Variants in DGKI observed in about 807,000 individuals in gnomAD.
DGKI encodes the protein diacylglycerol kinase iota, also known as DAG kinase iota.
Under a neutral mutation model 147.5 loss-of-function variants are expected in DGKI, and 55 were observed. That is an observed-to-expected ratio of 0.37 (90% CI 0.30 to 0.47). The LOEUF is 0.47. DGKI is among the 20% of genes least tolerant of loss of function. The pLI, the probability that DGKI is intolerant of heterozygous loss-of-function variation, is 1.00. For synonymous variants in DGKI, 469 were observed against 477.1 expected (o/e 0.98, Z 0.22); for missense variants, 1,007 against 1,323.8 (o/e 0.76, Z 3.71).
At chr7:137,814,283 C>T (rs534692526) in intron 1 of DGKI, among the ~76,000 whole-genome samples, 147 of 152,184 alleles carry the variant, frequency 9.7e-4, no homozygotes, top group African/African-American at 3.5e-3. Context: ...AATGGAACAC[C>T]GTCATGTGTT....
intron 28 of DGKI, among the ~76,000 whole-genome samples, chr7:137,421,810 T>C (rs1812582078): frequency 6.6e-6 from 1 of 152,224 alleles, no homozygotes; most frequent in Non-Finnish European, 1.5e-5. Flanking sequence ...CATGAAGTGC[T>C]TAATAAATAG....
At chr7:137,436,556 A>C (rs945326397) in intron 28 of DGKI, among the ~76,000 whole-genome samples, 4 of 152,180 alleles carry the variant, frequency 2.6e-5, no homozygotes, top group Non-Finnish European at 4.4e-5. Flanking sequence ...CTCATCTGTA[A>C]AATGAAAATA....
At chr7:137,664,345 TC>T in intron 3 of DGKI, among the ~76,000 whole-genome samples, 1 of 124,548 alleles carries the variant, frequency 8.0e-6, no homozygotes, top group Admixed American at 1.1e-4. Context: ...GCCACTGCAC[TC>T]CAGGCTGGGT....
intron 19 of DGKI, among the ~76,000 whole-genome samples, chr7:137,564,809 C>T (rs1038263098): frequency 8.5e-5 from 13 of 152,188 alleles, no homozygotes; most frequent in Non-Finnish European, 1.6e-4. Flanking sequence ...ATATTTAAAT[C>T]ACTTCTCTGA....
At chr7:137,477,834 GT>G (rs932633565) in intron 23 of DGKI, among the ~76,000 whole-genome samples, 3 of 151,966 alleles carry the variant, frequency 2.0e-5, no homozygotes, top group African/African-American at 4.8e-5. Flanking sequence ...TTTTGGGGTT[GT>G]TTTTTTGTAC....
At chr7:137,626,798 T>C (rs115274512) in intron 6 of DGKI, among the ~76,000 whole-genome samples, 2,725 of 152,264 alleles carry the variant, frequency 0.018, 88 homozygotes, top group African/African-American at 0.063. Context: ...TTCTAACTTG[T>C]CCCTCCACTG....
intron 13 of DGKI, 44 bp downstream of exon 13, chr7:137,587,053 T>A (rs773351266): frequency 8.7e-6 from 12 of 1,372,122 alleles, no homozygotes; most frequent in Non-Finnish European, 1.2e-5. Context: ...TGGAATCCGG[T>A]TTGTTGTTTG....
intron 28 of DGKI, among the ~76,000 whole-genome samples, chr7:137,435,033 T>C (rs1336317137): frequency 6.6e-6 from 1 of 151,644 alleles, no homozygotes; most frequent in Non-Finnish European, 1.5e-5. Flanking sequence ...AGACCAGGAG[T>C]GACCTATCTT....
At chr7:137,575,278 A>T (rs947350246) in intron 17 of DGKI, among the ~76,000 whole-genome samples, 1 of 152,142 alleles carries the variant, frequency 6.6e-6, no homozygotes, top group African/African-American at 2.4e-5. Flanking sequence ...TTAATATTAC[A>T]TATATAGGCT....
At chr7:137,731,687 G>A (rs946788033) in intron 1 of DGKI, among the ~76,000 whole-genome samples, 2 of 152,024 alleles carry the variant, frequency 1.3e-5, no homozygotes, top group South Asian at 4.1e-4. Flanking sequence ...CTTGATTTCT[G>A]GAACTAGTTG....
intron 27 of DGKI, among the ~76,000 whole-genome samples, chr7:137,461,768 G>A (rs1484216914): frequency 3.3e-5 from 5 of 152,048 alleles, no homozygotes; most frequent in Admixed American, 6.5e-5. Flanking sequence ...TTTAAAAAGT[G>A]TCTACTACTC....
intron 20 of DGKI, among the ~76,000 whole-genome samples, chr7:137,543,952 T>A (rs920915999): frequency 6.6e-6 from 1 of 152,232 alleles, no homozygotes; most frequent in Non-Finnish European, 1.5e-5. Flanking sequence ...CCTGATTTAA[T>A]GTTTATTATG....
intron 1 of DGKI, among the ~76,000 whole-genome samples, chr7:137,731,129 T>TC (rs1352164692): frequency 2.6e-5 from 4 of 152,152 alleles, no homozygotes; most frequent in African/African-American, 9.6e-5. Flanking sequence ...TTCAAAGTCT[T>TC]CCCCAAACTT....
chr7:137,473,415 T>G (rs1815055834), intron 23 of DGKI, among the ~76,000 whole-genome samples: 1 of 152,120 alleles, frequency 6.6e-6, no homozygotes, highest in Admixed American at 6.5e-5. Context: ...TATGCCAGAT[T>G]TGGTATGTCT....
chr7:137,394,998 T>G (rs1180171697), intron 32 of DGKI, among the ~76,000 whole-genome samples: 1 of 152,142 alleles, frequency 6.6e-6, no homozygotes, highest in African/African-American at 2.4e-5. Context: ...TGACAGTAAT[T>G]CCCATGCTAT....
At chr7:137,572,293 G>A (rs1818820285) in intron 18 of DGKI, among the ~76,000 whole-genome samples, 1 of 152,156 alleles carries the variant, frequency 6.6e-6, no homozygotes, top group Non-Finnish European at 1.5e-5. Flanking sequence ...ATGGAGAGTT[G>A]ACATCCTGGC....
At chr7:137,525,699 G>T (rs1179035086) in intron 20 of DGKI, among the ~76,000 whole-genome samples, 1 of 152,158 alleles carries the variant, frequency 6.6e-6, no homozygotes, top group Non-Finnish European at 1.5e-5. Flanking sequence ...TTAGAAAAAT[G>T]CCTGGCACAT....
chr7:137,656,244 CAA>C (rs1822216529), intron 4 of DGKI, among the ~76,000 whole-genome samples: 1 of 152,146 alleles, frequency 6.6e-6, no homozygotes, highest in South Asian at 2.1e-4. Context: ...TTCCTTTTCC[CAA>C]GAGTCAACGT....
intron 31 of DGKI, 34 bp downstream of exon 31, chr7:137,397,343 T>C (rs750779274): frequency 5.0e-5 from 80 of 1,596,740 alleles, no homozygotes; most frequent in African/African-American, 6.7e-5. Context: ...CTGAAGAAAA[T>C]AACCTAGACT....
Sources: gnomAD v4.1 joint callset for allele counts (sites outside exome capture counted in the v4.1 genomes callset) on GRCh38, gnomAD v4.1.1 for gene constraint, MANE v1.5 for transcripts, NCBI Gene and HGNC (gene_info 2026-07-23, HGNC 2026-07-21) for gene names.